Variants in XRCC4 observed in about 807,000 individuals in gnomAD.
XRCC4 encodes X-ray repair cross complementing 4.
In XRCC4, 28 loss-of-function variants were observed where a neutral mutation model predicts 39.1. The observed-to-expected ratio is 0.72, with a 90% CI of 0.53 to 0.98. The LOEUF is 0.98. XRCC4 is among the 50% of genes least tolerant of loss of function. The pLI, the probability that XRCC4 is intolerant of heterozygous loss-of-function variation, is 0.00. For missense variants in XRCC4, 350 were observed against 376.4 expected (o/e 0.93, Z 0.58); for synonymous variants, 123 against 126.4 (o/e 0.97, Z 0.18).
intron 7 of XRCC4, 154 bp downstream of exon 7, chr5:83,258,831 T>C (rs1753651175): frequency 2.1e-6 from 2 of 961,468 alleles, no homozygotes; most frequent in Non-Finnish European, 3.0e-6. Context: ...CAATGTATTG[T>C]TTCAGTATTT....
At chr5:83,207,957 A>T (rs1353703269) in intron 6 of XRCC4, among the ~76,000 whole-genome samples, 2 of 152,012 alleles carry the variant, frequency 1.3e-5, no homozygotes, top group African/African-American at 2.4e-5. Flanking sequence ...TGCTTTTCCT[A>T]CAATAAAAAC....
intron 7 of XRCC4, among the ~76,000 whole-genome samples, chr5:83,298,095 A>C (rs1755154798): frequency 6.6e-6 from 1 of 151,880 alleles, no homozygotes; most frequent in African/African-American, 2.4e-5. Context: ...AGGAGATTGA[A>C]GCTTAGAGAG....
At chr5:83,208,224 G>A (rs1440301985) in intron 6 of XRCC4, among the ~76,000 whole-genome samples, 2 of 151,958 alleles carry the variant, frequency 1.3e-5, no homozygotes, top group Admixed American at 1.3e-4. Flanking sequence ...TCTGAGTATG[G>A]TAAATTTGAA....
At chr5:83,087,896 G>A (rs145892660) in intron 1 of XRCC4, among the ~76,000 whole-genome samples, 10 of 152,078 alleles carry the variant, frequency 6.6e-5, no homozygotes, top group African/African-American at 2.4e-4. Context: ...TGTTTCACTG[G>A]GCAGTCTTGT....
intron 7 of XRCC4, among the ~76,000 whole-genome samples, chr5:83,347,184 T>G (rs1037363183): frequency 7.9e-5 from 12 of 151,834 alleles, no homozygotes; most frequent in Admixed American, 4.6e-4. Context: ...TATTATAGAG[T>G]AAAAATATCA....
chr5:83,227,343 C>T (rs1334386959), intron 6 of XRCC4, among the ~76,000 whole-genome samples: 1 of 152,000 alleles, frequency 6.6e-6, no homozygotes, highest in East Asian at 1.9e-4. Flanking sequence ...ATCTATGCCT[C>T]ATATTGTTTG....
intron 6 of XRCC4, among the ~76,000 whole-genome samples, chr5:83,231,265 G>A (rs1190385753): frequency 6.6e-6 from 1 of 151,940 alleles, no homozygotes. Context: ...TCTTACCAAT[G>A]TTGCTCATTA....
intron 7 of XRCC4, among the ~76,000 whole-genome samples, chr5:83,268,289 C>T (rs28360252): frequency 6.6e-6 from 1 of 151,958 alleles, no homozygotes. Flanking sequence ...TAGTCTTTAC[C>T]AAAATAAATC....
At chr5:83,165,355 T>A (rs987044194) in intron 3 of XRCC4, among the ~76,000 whole-genome samples, 3 of 152,160 alleles carry the variant, frequency 2.0e-5, no homozygotes, top group Non-Finnish European at 4.4e-5. Flanking sequence ...TCCAATATTA[T>A]GAAAAAGATA....
At chr5:83,341,676 G>T (rs1756764895) in intron 7 of XRCC4, among the ~76,000 whole-genome samples, 1 of 152,054 alleles carries the variant, frequency 6.6e-6, no homozygotes, top group Non-Finnish European at 1.5e-5. Flanking sequence ...CATTAGAATG[G>T]CCTAGTGTAA....
At chr5:83,353,013 TA>T in intron 7 of XRCC4, 117 bp from the exon 8 acceptor site, 1 of 798,922 alleles carries the variant, frequency 1.3e-6, no homozygotes, top group Non-Finnish European at 1.9e-6. Context: ...AATAAATCTC[TA>T]AACCAATTTG....
At chr5:83,248,451 C>G (rs1241982914) in intron 6 of XRCC4, among the ~76,000 whole-genome samples, 3 of 152,040 alleles carry the variant, frequency 2.0e-5, no homozygotes, top group Non-Finnish European at 2.9e-5. Context: ...TTAGACAGAT[C>G]TAAGAACTGT....
intron 3 of XRCC4, among the ~76,000 whole-genome samples, chr5:83,132,473 T>G (rs964293532): frequency 6.6e-6 from 1 of 152,246 alleles, no homozygotes; most frequent in East Asian, 1.9e-4. Flanking sequence ...TCCTGCAGAG[T>G]GTTTTCCAAC....
chr5:83,172,830 CTG>C (rs1561380252), intron 3 of XRCC4, among the ~76,000 whole-genome samples: 1 of 152,112 alleles, frequency 6.6e-6, no homozygotes, highest in Non-Finnish European at 1.5e-5. Context: ...TCTTTCCTCT[CTG>C]TTAAATTGTG....
At chr5:83,126,122 A>T (rs1040408376) in intron 3 of XRCC4, among the ~76,000 whole-genome samples, 14 of 151,808 alleles carry the variant, frequency 9.2e-5, no homozygotes, top group African/African-American at 3.4e-4. Flanking sequence ...CTATTTATTT[A>T]AAAAAATTGA....
chr5:83,363,079 T>G, the XRCC4 span, among the ~76,000 whole-genome samples: 1 of 152,132 alleles, frequency 6.6e-6, no homozygotes, highest in Non-Finnish European at 1.5e-5. Context: ...TGGTAAGTGC[T>G]GTAAGAGAGA....
chr5:83,121,643 T>C (rs1371205493), intron 3 of XRCC4, among the ~76,000 whole-genome samples: 2 of 152,208 alleles, frequency 1.3e-5, no homozygotes, highest in Admixed American at 1.3e-4. Flanking sequence ...TTCATATCCT[T>C]AACAGATACA....
chr5:83,325,047 T>C (rs1047716878), intron 7 of XRCC4, among the ~76,000 whole-genome samples: 1 of 152,092 alleles, frequency 6.6e-6, no homozygotes, highest in Admixed American at 6.6e-5. Context: ...CCATCTTCTT[T>C]GGCAGGTAGG....
At chr5:83,158,195 G>A (rs1390067113) in intron 3 of XRCC4, among the ~76,000 whole-genome samples, 6 of 152,186 alleles carry the variant, frequency 3.9e-5, no homozygotes, top group East Asian at 1.9e-4. Flanking sequence ...GACGAATAAC[G>A]TCATCTTCTG....
Sources: gnomAD v4.1 joint callset for allele counts (sites outside exome capture counted in the v4.1 genomes callset) on GRCh38, gnomAD v4.1.1 for gene constraint, MANE v1.5 for transcripts, NCBI Gene and HGNC (gene_info 2026-07-23, HGNC 2026-07-21) for gene names.